Variants in CLIC6 observed in about 807,000 individuals in gnomAD.
CLIC6 encodes the protein CLIC family member 6.
In CLIC6, 39 loss-of-function variants were observed where a neutral mutation model predicts 49.2. The observed-to-expected ratio is 0.79, with a 90% confidence interval of 0.61 to 1.04. The LOEUF is 1.04. CLIC6 is among the 50% of genes least tolerant of loss of function. The pLI, the probability that CLIC6 is intolerant of heterozygous loss-of-function variation, is 0.00. For missense variants in CLIC6, 988 were observed against 993.1 expected, an observed-to-expected ratio of 0.99 and a Z score of 0.07; for synonymous variants, 446 against 433.4, an observed-to-expected ratio of 1.03 and a Z score of -0.36.
intron 5 of CLIC6, among the ~76,000 whole-genome samples, chr21:34,711,853 A>C (rs910806530): frequency 6.6e-6 from 1 of 152,124 alleles, no homozygotes; most frequent in South Asian, 2.1e-4. Flanking sequence ...TAATGAAAGC[A>C]TCTCCACCCC....
chr21:34,669,793 C>T lies in CLIC6; in HGVS notation c.405C>T (p.Pro135=). The T allele has an allele frequency of 7.0e-7, 1 of 1,423,256 alleles. No individual in the cohort carries two copies. The highest frequency in any genetic ancestry group is 9.1e-7 in the Non-Finnish European group (1 of 1,099,368). The allele number at this position is 1,423,256 out of a possible 1,614,324, so 88.2% of individuals were successfully genotyped here. A position where few individuals can be genotyped will look rare whatever the true frequency, so the allele number is the denominator to read the frequency against. Residue 135 remains proline, a synonymous_variant, in exon 1 of 6, where the codon CCC becomes CCT. Transcript: ENST00000349499. ...AQREPEDSAA[P]ERQEEAEQRP... Reference sequence around the variant, plus strand: ...GGGAGCCCGAGGACTCTGCGGCCCCCGAGAGGCAGGAGGAGGCGGAGCAGA... The same window carrying T: ...GGGAGCCCGAGGACTCTGCGGCCCCTGAGAGGCAGGAGGAGGCGGAGCAGA...
intron 1 of CLIC6, among the ~76,000 whole-genome samples, chr21:34,705,180 G>A (rs2056005875): frequency 6.6e-6 from 1 of 152,190 alleles, no homozygotes; most frequent in African/African-American, 2.4e-5. Context: ...GCCAAAACAT[G>A]CGTCCTTGCA....
intron 4 of CLIC6, 114 bp downstream of exon 4, chr21:34,708,920 C>A: frequency 2.7e-6 from 2 of 744,174 alleles, no homozygotes; most frequent in South Asian, 1.8e-5. Flanking sequence ...AGAAGTGAGT[C>A]TGGAGCTACA....
At chr21:34,697,670 G>A (rs140538507) in intron 1 of CLIC6, among the ~76,000 whole-genome samples, 1 of 152,346 alleles carries the variant, frequency 6.6e-6, no homozygotes, top group East Asian at 1.9e-4. Context: ...CTTAGGGGGA[G>A]ATGGTGGGAT....
chr21:34,715,006 C>T (rs2056078411), intron 5 of CLIC6, among the ~76,000 whole-genome samples: 1 of 152,226 alleles, frequency 6.6e-6, no homozygotes, highest in Admixed American at 6.5e-5. Flanking sequence ...AGGTGTCAAA[C>T]AATTTAGGAG....
chr21:34,682,759 T>C (rs988864321), intron 1 of CLIC6, among the ~76,000 whole-genome samples: 4 of 150,990 alleles, frequency 2.6e-5, no homozygotes, highest in African/African-American at 7.3e-5. Flanking sequence ...ACCTCTTAAA[T>C]CCTGAAGAAT....
At chr21:34,715,276 C>T (rs1368073893) in intron 5 of CLIC6, among the ~76,000 whole-genome samples, 2 of 152,114 alleles carry the variant, frequency 1.3e-5, no homozygotes, top group Non-Finnish European at 2.9e-5. Flanking sequence ...CAGAATGTGA[C>T]CTTATTTAAA....
chr21:34,672,133 A>G (rs566254815), intron 1 of CLIC6, among the ~76,000 whole-genome samples: 4 of 152,230 alleles, frequency 2.6e-5, no homozygotes, highest in Non-Finnish European at 5.9e-5. Context: ...TCCCTGTTTC[A>G]GTTCTCTGTC....
intron 1 of CLIC6, among the ~76,000 whole-genome samples, chr21:34,702,210 C>A (rs1314535016): frequency 6.6e-6 from 1 of 152,088 alleles, no homozygotes; most frequent in Non-Finnish European, 1.5e-5. Flanking sequence ...TAGAAAGGGG[C>A]AGAGAGACCC....
intron 1 of CLIC6, among the ~76,000 whole-genome samples, chr21:34,676,681 G>A (rs1989677788): frequency 6.6e-6 from 1 of 152,218 alleles, no homozygotes; most frequent in Admixed American, 6.5e-5. Context: ...TGCAGACACA[G>A]TGGTAATCAC....
chr21:34,690,851 T>C (rs1433220190), intron 1 of CLIC6, among the ~76,000 whole-genome samples: 2 of 83,196 alleles, frequency 2.4e-5, no homozygotes, highest in Non-Finnish European at 4.6e-5. Context: ...AAAGGAGTTA[T>C]AATACATGTC....
chr21:34,707,179 C>A (rs564333536), intron 1 of CLIC6, 101 bp from the exon 2 acceptor site: 1 of 912,054 alleles, frequency 1.1e-6, no homozygotes, highest in Non-Finnish European at 1.8e-6. Flanking sequence ...GCATCCTGAC[C>A]GTTCTTATCA....
Position 34,709,417 on chromosome 21 carries a change from T to A in CLIC6, c.1778T>A (p.Leu593Gln). The change falls in exon 5 of 6, where the codon CTG becomes CAG. Residue 593 changes from leucine (L) to glutamine (Q), a missense_variant. Leu to Gln is a moderately radical substitution (Grantham distance 113). This residue lies in a region of CLIC6 where 647 missense variants were observed against 596.9 expected (regional missense o/e 1.08). Coordinates refer to ENST00000349499, the MANE Select transcript of CLIC6 (RefSeq NM_053277.3). ...CTGGATAATTACTTAAATAGCCCTCTGCCTGATGAAATAGATGCCTACAGC... is the reference window on the plus strand; with the variant it reads ...CTGGATAATTACTTAAATAGCCCTCAGCCTGATGAAATAGATGCCTACAGC... ...RKLDNYLNSPLPDEIDAYSTE... is the reference protein window; with the variant it reads ...RKLDNYLNSPQPDEIDAYSTE... 6.2e-7 allele frequency: 1 copy of A among 1,614,138 alleles called. No homozygotes were observed. Among genetic ancestry groups the A allele is most frequent in the Non-Finnish European group, 8.5e-7 (1 of 1,179,968 alleles).
At chr21:34,682,455 T>C (rs1165700377) in intron 1 of CLIC6, among the ~76,000 whole-genome samples, 2 of 152,148 alleles carry the variant, frequency 1.3e-5, no homozygotes, top group South Asian at 2.1e-4. Context: ...TATATATTGA[T>C]ATTTGTTTTT....
rs13048804 is a variant in CLIC6, at chr21:34,670,193, A to G, written c.805A>G (p.Ser269Gly). 0.011 allele frequency: 9,391 copies of G among 858,984 alleles called. 610 individuals are homozygous for G. In the African/African-American group the frequency reaches 0.15, roughly 14 times the overall value. 53.2% of individuals were successfully genotyped at this position (858,984 alleles called of 1,614,324 possible). The change falls in exon 1 of 6, where the codon AGC becomes GGC. Residue 269 changes from serine (S) to glycine (G), a missense_variant. This residue lies in a region of CLIC6 where 647 missense variants were observed against 596.9 expected (regional missense o/e 1.08). Transcript: ENST00000349499. ...AGAAGCGGGGGTCCCGGCGGGGGAC[A>G]GCGTAGAAGCCGAAGGCCCGGCGGG... ...GVEAGVPAGDSVEAEGPAGDS... is the reference protein window; with the variant it reads ...GVEAGVPAGDGVEAEGPAGDS...
chr21:34,692,535 G>T lies in CLIC6; in HGVS notation c.1375-14745G>T, dbSNP rs146728185. Among the ~76,000 whole-genome samples the T allele has an allele frequency of 4.2e-3, 637 of 152,256 alleles. 7 individuals carry two copies. Among genetic ancestry groups the T allele is most frequent in the African/African-American group, 0.014 (601 of 41,552 alleles). ...AGGAAGTGTTCTAAAATCTATATTG[G>T]CTCTAAACCTGATCTCATAATAATT... On this transcript the variant is annotated intron_variant, in intron 1 of 5. Coordinates refer to ENST00000349499, the MANE Select transcript of CLIC6 (RefSeq NM_053277.3).
At position 34,669,514 on chromosome 21, in the gene CLIC6, G is replaced by T; in HGVS notation, c.126G>T (p.Glu42Asp). 4.8e-6 allele frequency: 6 copies of T among 1,241,118 alleles called. No homozygotes were observed. The highest frequency in any genetic ancestry group is 6.0e-6 in the Non-Finnish European group (6 of 994,044). 76.9% of individuals were successfully genotyped at this position (1,241,118 alleles called of 1,614,324 possible). A position where few individuals can be genotyped will look rare whatever the true frequency, so the allele number is the denominator to read the frequency against. Residue 42 changes from glutamate (E) to aspartate (D), a missense_variant, in exon 1 of 6, where the codon GAG becomes GAT. Glu to Asp is a conservative substitution (Grantham distance 45, BLOSUM62 2). Around this residue, in one of 3 missense-constraint regions of CLIC6, gnomAD observed 284 missense variants for 278.6 expected, o/e 1.02. Coordinates refer to ENST00000349499, the MANE Select transcript of CLIC6 (RefSeq NM_053277.3). ...GAAGGEAEGP[E>D]GSEGAEEAPR... The stretch of plus-strand genomic sequence containing the variant: ...CGGGCGGGGAGGCAGAAGGGCCGGA[G>T]GGGAGCGAGGGCGCAGAGGAGGCGC...
At chr21:34,674,958 G>GGGT (rs1989634381) in intron 1 of CLIC6, among the ~76,000 whole-genome samples, 1 of 152,136 alleles carries the variant, frequency 6.6e-6, no homozygotes, top group African/African-American at 2.4e-5. Context: ...TGGCGTGTAA[G>GGGT]CTTTGAGTCA....
intron 1 of CLIC6, among the ~76,000 whole-genome samples, chr21:34,675,578 A>G (rs1373599328): frequency 3.3e-5 from 5 of 152,210 alleles, no homozygotes; most frequent in Admixed American, 3.3e-4. Context: ...AATTACACAT[A>G]TGAAATCAGT....
Sources: gnomAD v4.1 joint callset for allele counts (sites outside exome capture counted in the v4.1 genomes callset) on GRCh38, gnomAD v4.1.1 for gene constraint, gnomAD v4.1.1 regional missense constraint, MANE v1.5 for transcripts, NCBI Gene and HGNC (gene_info 2026-07-23, HGNC 2026-07-21) for gene names.